KCNMA1: variants seen among roughly 807,000 people sequenced by gnomAD.
The protein encoded by KCNMA1 is potassium calcium-activated channel subfamily M alpha 1, also known as Calcium-activated potassium channel subunit alpha-1.
Under a neutral mutation model 140.0 loss-of-function variants are expected in KCNMA1, and 29 were observed. That is an observed-to-expected ratio of 0.21 (90% CI 0.15 to 0.28). KCNMA1 has a LOEUF of 0.28. Among genes scored for constraint, KCNMA1 ranks in the 10% least tolerant of loss-of-function variants. The pLI, the probability that KCNMA1 is intolerant of heterozygous loss-of-function variation, is 1.00. For synonymous variants in KCNMA1, 612 were observed against 611.9 expected, an observed-to-expected ratio of 1.00 and a Z score of 0.00; for missense variants, 880 against 1,602.2, an observed-to-expected ratio of 0.55 and a Z score of 7.70.
chr10:77,120,310 G>A (rs2153942734), intron 6 of KCNMA1, among the ~76,000 whole-genome samples: 1 of 152,208 alleles, frequency 6.6e-6, no homozygotes, highest in African/African-American at 2.4e-5. Flanking sequence ...GGATCCTCTG[G>A]GGGCTTTTCC....
chr10:77,072,676 C>T (rs1353348689), intron 14 of KCNMA1, among the ~76,000 whole-genome samples: 1 of 152,170 alleles, frequency 6.6e-6, no homozygotes, highest in Non-Finnish European at 1.5e-5. Flanking sequence ...GGGGTTTGGG[C>T]TTCAGCACAA....
intron 1 of KCNMA1, among the ~76,000 whole-genome samples, chr10:77,466,765 G>A (rs1021351873): frequency 5.3e-5 from 8 of 152,214 alleles, no homozygotes; most frequent in East Asian, 1.9e-4. Flanking sequence ...GGACATTTCC[G>A]TCTGCTGTGA....
chr10:77,553,566 C>T (rs377402008), intron 1 of KCNMA1, among the ~76,000 whole-genome samples: 104 of 152,364 alleles, frequency 6.8e-4, no homozygotes, highest in African/African-American at 2.3e-3. Context: ...AATGCACACC[C>T]AGTCAGGGCC....
chr10:76,920,386 T>C (rs1332330596), intron 23 of KCNMA1, among the ~76,000 whole-genome samples: 1 of 152,084 alleles, frequency 6.6e-6, no homozygotes, highest in Non-Finnish European at 1.5e-5. Context: ...ATGTATATAC[T>C]ACTATTTTTC....
intron 1 of KCNMA1, among the ~76,000 whole-genome samples, chr10:77,472,147 A>C (rs2098173969): frequency 6.7e-6 from 1 of 150,374 alleles, no homozygotes; most frequent in Non-Finnish European, 1.5e-5. Context: ...TACCACACAT[A>C]TCACACATAT....
intron 5 of KCNMA1, among the ~76,000 whole-genome samples, chr10:77,168,037 C>T (rs535446306): frequency 5.3e-5 from 8 of 152,296 alleles, no homozygotes; most frequent in South Asian, 4.1e-4. Flanking sequence ...CTATTTATAA[C>T]ATAGGCCAGT....
intron 2 of KCNMA1, among the ~76,000 whole-genome samples, chr10:77,345,679 C>T (rs1285366896): frequency 1.3e-5 from 2 of 152,210 alleles, no homozygotes; most frequent in Non-Finnish European, 2.9e-5. Flanking sequence ...GCATCAGCGT[C>T]CGACACAGGT....
At chr10:77,150,785 T>C (rs1323029135) in intron 5 of KCNMA1, among the ~76,000 whole-genome samples, 2 of 152,236 alleles carry the variant, frequency 1.3e-5, no homozygotes, top group Non-Finnish European at 2.9e-5. Flanking sequence ...TTCAAGTTTC[T>C]GGTGATTCTA....
At chr10:77,271,110 C>A (rs2065001299) in intron 2 of KCNMA1, among the ~76,000 whole-genome samples, 1 of 152,160 alleles carries the variant, frequency 6.6e-6, no homozygotes, top group Non-Finnish European at 1.5e-5. Flanking sequence ...ATTAGTCCTA[C>A]CAAAACAACA....
chr10:77,147,434 C>T (rs1192967241), intron 5 of KCNMA1, among the ~76,000 whole-genome samples: 1 of 152,134 alleles, frequency 6.6e-6, no homozygotes, highest in Non-Finnish European at 1.5e-5. Flanking sequence ...TCCCTCCCTC[C>T]TTCCCTTCCC....
chr10:76,982,612 T>C lies in KCNMA1; in HGVS notation c.2267-12545A>G, dbSNP rs35587291. On this transcript the variant is annotated intron_variant, in intron 19 of 27. Coordinates refer to ENST00000286628, the MANE Select transcript of KCNMA1 (RefSeq NM_001161352.2). Reference sequence around the variant, plus strand: ...CAGGAAAATGTGTTTGAGGGCACAGTTGGAGGTATAAAGGGCAGAGAGTGT... The same window carrying C: ...CAGGAAAATGTGTTTGAGGGCACAGCTGGAGGTATAAAGGGCAGAGAGTGT... Among the ~76,000 whole-genome samples, 785 of 152,162 alleles carry C rather than the reference T, an allele frequency of 5.2e-3. 2 individuals are homozygous for C. The highest frequency in any genetic ancestry group is 0.023 in the South Asian group (111 of 4,826).
At chr10:77,015,858 C>T (rs1490932233) in intron 17 of KCNMA1, among the ~76,000 whole-genome samples, 1 of 152,126 alleles carries the variant, frequency 6.6e-6, no homozygotes, top group Non-Finnish European at 1.5e-5. Flanking sequence ...CACCTCCACT[C>T]AGGGGTCAGT....
At chr10:76,880,921 A>T (rs893433342), downstream of KCNMA1, among the ~76,000 whole-genome samples, 1 of 152,208 alleles carries the variant, frequency 6.6e-6, no homozygotes. Context: ...TGCCAGAGAA[A>T]AATAGCCTTA....
At chr10:77,274,938 G>A (rs1449180536) in intron 2 of KCNMA1, among the ~76,000 whole-genome samples, 1 of 152,210 alleles carries the variant, frequency 6.6e-6, no homozygotes, top group East Asian at 1.9e-4. Context: ...GGGCAGCCTT[G>A]GCTGGCCATG....
At chr10:77,362,933 A>G (rs2094095052) in intron 2 of KCNMA1, among the ~76,000 whole-genome samples, 2 of 152,176 alleles carry the variant, frequency 1.3e-5, no homozygotes, top group African/African-American at 4.8e-5. Context: ...CAAAATGTCT[A>G]TGGTCCCCTG....
chr10:77,407,622 A>G (rs1321741588), intron 1 of KCNMA1, among the ~76,000 whole-genome samples: 1 of 152,230 alleles, frequency 6.6e-6, no homozygotes, highest in Non-Finnish European at 1.5e-5. Flanking sequence ...GGAAGCAGAG[A>G]GCCCACCTGG....
Position 77,006,331 on chromosome 10 carries a change from G to C in KCNMA1, c.2093-4751C>G, listed in dbSNP as rs367740117. Among the ~76,000 whole-genome samples the C allele has an allele frequency of 3.3e-5, 5 of 152,264 alleles. No individual in the cohort carries two copies. In the East Asian group the frequency reaches 9.7e-4, roughly 29 times the overall value. On this transcript the variant is annotated intron_variant, in intron 18 of 27. Transcript: ENST00000286628. ...CCATTCAATCAATAGATACTTTTCA[G>C]GTCACAGCCTCACTTTTAAAATCAG...
chr10:77,268,925 A>G (rs545661763), intron 2 of KCNMA1, among the ~76,000 whole-genome samples: 8 of 152,276 alleles, frequency 5.3e-5, no homozygotes, highest in East Asian at 3.9e-4. Context: ...ACGCTGCACC[A>G]ATGCAAAGAA....
rs140710560 is a variant in KCNMA1 at position 77,450,853 on chromosome 10, G to A, written c.379-46830C>T. Among the ~76,000 whole-genome samples, 448 of 152,286 alleles carry A rather than the reference G, an allele frequency of 2.9e-3. 2 individuals carry two copies. The highest frequency in any genetic ancestry group is 0.01 in the African/African-American group (424 of 41,560). ...TTGTAATAATTCCCATGTGTTGTAG[G>A]AGGGACCCAGTCAGGGGTAACAGAA... On this transcript the variant is annotated intron_variant, in intron 1 of 27. Transcript: ENST00000286628.
Sources: gnomAD v4.1 joint callset for allele counts (sites outside exome capture counted in the v4.1 genomes callset) on GRCh38, gnomAD v4.1.1 for gene constraint, MANE v1.5 for transcripts, NCBI Gene and HGNC (gene_info 2026-07-23, HGNC 2026-07-21) for gene names.